ATP2A2: variants seen among roughly 807,000 people sequenced by gnomAD.
ATP2A2 encodes sarcoplasmic/endoplasmic reticulum calcium ATPase 2.
Under a neutral mutation model 109.3 loss-of-function variants are expected in ATP2A2, and 14 were observed. The observed-to-expected ratio is 0.13, with a 90% CI of 0.08 to 0.20. The LOEUF (loss-of-function observed/expected upper bound fraction) is 0.20. ATP2A2 is among the 10% of genes least tolerant of loss of function. ATP2A2 has a pLI of 1.00. For missense variants in ATP2A2, 657 were observed against 1,321.6 expected (o/e 0.50, Z 7.80); for synonymous variants, 506 against 490.9 (o/e 1.03, Z -0.41).
At chr12:110,286,441 A>G (rs1165709453) in intron 3 of ATP2A2, among the ~76,000 whole-genome samples, 1 of 152,234 alleles carries the variant, frequency 6.6e-6, no homozygotes, top group Non-Finnish European at 1.5e-5. Flanking sequence ...TAACTAGTTT[A>G]TTCAGAGCTT....
intron 5 of ATP2A2, among the ~76,000 whole-genome samples, chr12:110,297,572 A>C (rs765979066): frequency 2.0e-5 from 3 of 151,994 alleles, no homozygotes; most frequent in Non-Finnish European, 4.4e-5. Context: ...CAGACCTCCA[A>C]GGGTCAGTAT....
chr12:110,319,223 G>GAAAAAA (rs59623372), intron 5 of ATP2A2, among the ~76,000 whole-genome samples: 6 of 63,448 alleles, frequency 9.5e-5, no homozygotes, highest in Non-Finnish European at 1.5e-4. Context: ...AATAAAAAAT[G>GAAAAAA]AAAAAAAAAA....
At chr12:110,293,826 A>ATGTGTGTGTGTGTGTGTGTGTGTGTGTG (rs59260681) in intron 4 of ATP2A2, among the ~76,000 whole-genome samples, 2 of 108,568 alleles carry the variant, frequency 1.8e-5, no homozygotes, top group Admixed American at 1.1e-4. Context: ...TGCCATATAT[A>ATGTGTGTGTGTGTGTGTGTGTGTGTGTG]TGTGTGTGTG....
At position 110,281,693 on chromosome 12, in the gene ATP2A2, TG is replaced by T; in HGVS notation, c.-94del. 1 of 818,944 alleles carries T rather than the reference TG, an allele frequency of 1.2e-6. No homozygotes were observed. The highest frequency in any genetic ancestry group is 1.7e-6 in the Non-Finnish European group (1 of 580,214). 50.7% of individuals were successfully genotyped at this position (818,944 alleles called of 1,614,324 possible). A position where few individuals can be genotyped will look rare whatever the true frequency, so the allele number is the denominator to read the frequency against. ...GAGGAGGGGAGAGCCCGTCCGCGCC[TG>T]GGCTCCCGGGGTGGCACGAGCCCGC... is the stretch of plus-strand genomic sequence containing the variant. On this transcript the variant is annotated 5_prime_UTR_variant, in exon 1 of 20. Coordinates refer to ENST00000539276, the MANE Select transcript of ATP2A2 (RefSeq NM_170665.4).
rs188497964 is a variant in ATP2A2 at position 110,350,674 on chromosome 12, T to C, written c.*4204T>C. On this transcript the variant is annotated 3_prime_UTR_variant, in exon 20 of 20. Coordinates refer to ENST00000539276, the MANE Select transcript of ATP2A2 (RefSeq NM_170665.4). ...GCTTATATAAATGTACAGTATTCAATTGTAATGCATGCCTTCGGTTGTAAG... is the reference window on the plus strand; with the variant it reads ...GCTTATATAAATGTACAGTATTCAACTGTAATGCATGCCTTCGGTTGTAAG... The C allele has an allele frequency of 8.7e-5, 27 of 309,940 alleles. No homozygotes were observed. Among genetic ancestry groups the C allele is most frequent in the African/African-American group, 4.9e-4 (23 of 47,044 alleles). 19.2% of individuals were successfully genotyped at this position (309,940 alleles called of 1,614,324 possible).
chr12:110,345,469 T>G (rs759157303), intron 18 of ATP2A2, 87 bp downstream of exon 18: 91 of 1,570,580 alleles, frequency 5.8e-5, no homozygotes, highest in Non-Finnish European at 8.0e-5. Context: ...TGATTGAGGA[T>G]CACAGGACAG....
chr12:110,334,112 C>G lies in ATP2A2; in HGVS notation c.1388C>G (p.Ser463Cys). 2 of 1,614,032 alleles carry G rather than the reference C, an allele frequency of 1.2e-6. No individual in the cohort carries two copies. Among genetic ancestry groups the G allele is most frequent in the South Asian group, 1.1e-5 (1 of 91,078 alleles). The stretch of plus-strand genomic sequence containing the variant: ...TTTGATACCGAATTGAAGGGTCTTT[C>G]TAAAATAGAACGTGCAAATGCCTGC... ...NVFDTELKGL[S>C]KIERANACNS... Residue 463 changes from serine (S) to cysteine (C), a missense_variant, in exon 11 of 20, where the codon TCT becomes TGT. Ser to Cys is a moderately radical substitution (Grantham distance 112). Around this residue, in one of 9 missense-constraint regions of ATP2A2, gnomAD observed 180 missense variants for 329.1 expected, o/e 0.55. Transcript: ENST00000539276.
At chr12:110,291,060 CACCACACA>C (rs1335794284) in intron 3 of ATP2A2, among the ~76,000 whole-genome samples, 1 of 152,102 alleles carries the variant, frequency 6.6e-6, no homozygotes, top group African/African-American at 2.4e-5. Context: ...AGGCATGCAC[CACCACACA>C]CTGCTAATTT....
At chr12:110,315,573 A>G (rs1392004221) in intron 5 of ATP2A2, among the ~76,000 whole-genome samples, 1 of 152,204 alleles carries the variant, frequency 6.6e-6, no homozygotes, top group Non-Finnish European at 1.5e-5. Context: ...AGAGTTTGTA[A>G]CTTATCCAGG....
At chr12:110,288,951 T>A (rs1399605082) in intron 3 of ATP2A2, among the ~76,000 whole-genome samples, 1 of 152,172 alleles carries the variant, frequency 6.6e-6, no homozygotes, top group African/African-American at 2.4e-5. Context: ...ATCCTCTTTC[T>A]CCTTACACAA....
At chr12:110,285,169 T>A (rs7961825) in intron 3 of ATP2A2, among the ~76,000 whole-genome samples, 3,460 of 152,328 alleles carry the variant, frequency 0.023, 123 homozygotes, top group African/African-American at 0.078. Flanking sequence ...TAACTATAGT[T>A]AATATTTTGC....
intron 11 of ATP2A2, 85 bp downstream of exon 11, chr12:110,334,228 A>G: frequency 6.5e-7 from 1 of 1,526,720 alleles, no homozygotes; most frequent in Non-Finnish European, 9.0e-7. Context: ...CTACTCTCTT[A>G]GAAAACTAAT....
intron 3 of ATP2A2, among the ~76,000 whole-genome samples, chr12:110,284,242 A>G (rs755714490): frequency 1.3e-5 from 2 of 152,192 alleles, no homozygotes; most frequent in South Asian, 2.1e-4. Flanking sequence ...CCGATTAACT[A>G]TAGTTTATCA....
chr12:110,324,642 G>A (rs774256663), intron 6 of ATP2A2, among the ~76,000 whole-genome samples: 3 of 151,858 alleles, frequency 2.0e-5, no homozygotes, highest in Non-Finnish European at 2.9e-5. Flanking sequence ...GGCTGGTCTC[G>A]AACTCCTGAT....
chr12:110,335,137 C>T (rs1305316886), intron 11 of ATP2A2, among the ~76,000 whole-genome samples: 4 of 152,176 alleles, frequency 2.6e-5, no homozygotes, highest in Non-Finnish European at 5.9e-5. Flanking sequence ...TGAGTTGGAC[C>T]TGAGTGAGGT....
At chr12:110,315,916 G>A (rs568126449) in intron 5 of ATP2A2, among the ~76,000 whole-genome samples, 49 of 152,270 alleles carry the variant, frequency 3.2e-4, no homozygotes, top group African/African-American at 1.2e-3. Context: ...TCCAGCCTGG[G>A]TGACAGAGCA....
rs1006305240 is a variant in ATP2A2 at position 110,347,928 on chromosome 12, G to A, written c.*1458G>A. The A allele has an allele frequency of 2.0e-6, 2 of 987,630 alleles. No individual in the cohort carries two copies. The highest frequency in any genetic ancestry group is 4.7e-5 in the South Asian group (1 of 21,450). The allele number at this position is 987,630 out of a possible 1,614,324, so 61.2% of individuals were successfully genotyped here. ...TGCTCCCTGATGCCCTGTGAGCACC[G>A]GGGTTGCCTGTGGCGCCTGCCATGT... On this transcript the variant is annotated 3_prime_UTR_variant, in exon 20 of 20. Transcript: ENST00000539276.
At position 110,315,592 on chromosome 12, in the gene ATP2A2, G is replaced by T. The variant is rs138232925; in HGVS notation, c.464-7400G>T. Among the ~76,000 whole-genome samples the T allele has an allele frequency of 3.3e-5, 5 of 152,274 alleles. No homozygotes were observed. In the South Asian group the frequency reaches 8.3e-4, roughly 25 times the overall value. On this transcript the variant is annotated intron_variant, in intron 5 of 19. Transcript: ENST00000539276. ...TTTGTAACTTATCCAGGAGCATGTG[G>T]CAGTTTGTGGCAGTACTAGGACTGT...
chr12:110,345,127 T>A (rs1454173608), intron 17 of ATP2A2, 122 bp from the exon 18 acceptor site: 9 of 1,535,166 alleles, frequency 5.9e-6, no homozygotes, highest in Non-Finnish European at 5.4e-6. Flanking sequence ...TCCGAGAAAT[T>A]GGGGTAAACC....
Sources: gnomAD v4.1 joint callset for allele counts (sites outside exome capture counted in the v4.1 genomes callset) on GRCh38, gnomAD v4.1.1 for gene constraint, gnomAD v4.1.1 regional missense constraint, MANE v1.5 for transcripts, NCBI Gene and HGNC (gene_info 2026-07-23, HGNC 2026-07-21) for gene names.